MSRA: variants seen among roughly 807,000 people sequenced by gnomAD.
The protein encoded by MSRA is methionine sulfoxide reductase A, also known as mitochondrial peptide methionine sulfoxide reductase.
Under a neutral mutation model 31.3 loss-of-function variants are expected in MSRA, and 54 were observed. The ratio of observed to expected loss-of-function variants is 1.73; its 90% confidence interval spans 1.39 to 2.17. MSRA has a LOEUF of 2.17. Ranked by LOEUF, MSRA falls within the 30% of genes most tolerant of loss-of-function variation. The pLI is 0.00. For synonymous variants in MSRA, 169 were observed against 116.5 expected (o/e 1.45, Z -2.90); for missense variants, 507 against 300.9 (o/e 1.69, Z -5.07).
intron 1 of MSRA, among the ~76,000 whole-genome samples, chr8:10,200,518 C>G (rs1231432809): frequency 2.0e-5 from 3 of 152,150 alleles, no homozygotes; most frequent in African/African-American, 7.2e-5. Context: ...TGCTGCTCCT[C>G]ATCACGGGTC....
At chr8:10,323,708 C>A (rs1484026910) in intron 5 of MSRA, among the ~76,000 whole-genome samples, 1 of 150,666 alleles carries the variant, frequency 6.6e-6, no homozygotes, top group African/African-American at 2.5e-5. Flanking sequence ...CAGATGTTTT[C>A]TGGGTGTTCT....
At position 10,077,174 on chromosome 8, in the gene MSRA, C is replaced by T. The variant is rs142611257; in HGVS notation, c.142+22516C>T. On this transcript the variant is annotated intron_variant, in intron 1 of 5. Transcript: ENST00000317173. ...ACATCAGGAAGAAATGGATGGTCGG[C>T]CACAGCCATTGCATTTGACAACCAA... Among the ~76,000 whole-genome samples, 156 of 152,262 alleles carry T rather than the reference C, an allele frequency of 1.0e-3. 1 individual carries two copies. The highest frequency in any genetic ancestry group is 3.4e-3 in the African/African-American group (142 of 41,548).
intron 2 of MSRA, among the ~76,000 whole-genome samples, chr8:10,222,183 G>C (rs12679154): frequency 0.19 from 29,229 of 151,850 alleles, 3,148 homozygotes; most frequent in South Asian, 0.37. Context: ...TTGCCTCCTA[G>C]TTCAATACTT....
At chr8:10,151,377 C>G (rs1281472670) in intron 1 of MSRA, among the ~76,000 whole-genome samples, 1 of 152,034 alleles carries the variant, frequency 6.6e-6, no homozygotes, top group Non-Finnish European at 1.5e-5. Flanking sequence ...GGCGTGGTGG[C>G]TCACGCCTGT....
chr8:10,139,278 G>C (rs1482373166), intron 1 of MSRA, among the ~76,000 whole-genome samples: 1 of 152,112 alleles, frequency 6.6e-6, no homozygotes, highest in Non-Finnish European at 1.5e-5. Context: ...GCACTGATTT[G>C]AATATTGGAA....
At chr8:10,133,021 C>T (rs1802010785) in intron 1 of MSRA, among the ~76,000 whole-genome samples, 2 of 152,188 alleles carry the variant, frequency 1.3e-5, no homozygotes, top group Admixed American at 1.3e-4. Context: ...CTGAGTCATA[C>T]AAGAGTGCCT....
chr8:10,400,412 C>T (rs139307038), intron 5 of MSRA, among the ~76,000 whole-genome samples: 9 of 130,432 alleles, frequency 6.9e-5, no homozygotes, highest in South Asian at 2.5e-4. Flanking sequence ...GAAAGATACA[C>T]GGTGGATGAA....
chr8:10,323,409 C>T (rs1182506468), intron 5 of MSRA, among the ~76,000 whole-genome samples: 1 of 152,134 alleles, frequency 6.6e-6, no homozygotes, highest in Non-Finnish European at 1.5e-5. Context: ...AACTGCCCTC[C>T]AGAATACTGA....
chr8:10,073,176 G>A (rs1797827962), intron 1 of MSRA, among the ~76,000 whole-genome samples: 1 of 152,090 alleles, frequency 6.6e-6, no homozygotes, highest in African/African-American at 2.4e-5. Context: ...GAGCAGACAT[G>A]CTTACTTTGT....
intron 3 of MSRA, 51 bp downstream of exon 3, chr8:10,245,274 GTCAC>G: frequency 6.4e-7 from 1 of 1,561,064 alleles, no homozygotes; most frequent in Non-Finnish European, 8.8e-7. Flanking sequence ...GGGAGGGCTT[GTCAC>G]TACTGTTGGG....
intron 3 of MSRA, chr8:10,250,379 G>C (rs1183610351): frequency 2.9e-6 from 2 of 699,834 alleles, no homozygotes; most frequent in Admixed American, 4.0e-5. Flanking sequence ...GAAAACCCAG[G>C]ATGTTCATTC....
At position 10,082,188 on chromosome 8, in the gene MSRA, G is replaced by A. The variant is rs530184288; in HGVS notation, c.142+27530G>A. 2.1e-4 allele frequency among the ~76,000 whole-genome samples: 32 copies of A among 152,288 alleles called. No homozygotes were observed. The East Asian group carries it at 6.0e-3, about 29-fold the overall frequency. ...CCACTATACTCCAGTCTGGGTGGTA[G>A]TGTGAAACCCTGCTGCTAAAAAATG... On this transcript the variant is annotated intron_variant, in intron 1 of 5. Coordinates refer to ENST00000317173, the MANE Select transcript of MSRA (RefSeq NM_012331.5).
intron 4 of MSRA, among the ~76,000 whole-genome samples, chr8:10,309,970 AG>A (rs1159264972): frequency 2.6e-5 from 4 of 152,228 alleles, no homozygotes; most frequent in African/African-American, 9.6e-5. Flanking sequence ...CATTCATTGA[AG>A]GGAGACAAAT....
chr8:10,094,776 A>G (rs1799037501), intron 1 of MSRA, among the ~76,000 whole-genome samples: 1 of 152,234 alleles, frequency 6.6e-6, no homozygotes, highest in Non-Finnish European at 1.5e-5. Context: ...AAAAGCAAAC[A>G]GTACTTATTT....
intron 5 of MSRA, among the ~76,000 whole-genome samples, chr8:10,410,556 G>T (rs1808094165): frequency 6.6e-6 from 1 of 152,200 alleles, no homozygotes; most frequent in Admixed American, 6.5e-5. Context: ...ACAGCACTGA[G>T]AGGTAGATAT....
At chr8:10,151,187 C>A (rs1397055781) in intron 1 of MSRA, among the ~76,000 whole-genome samples, 2 of 149,292 alleles carry the variant, frequency 1.3e-5, no homozygotes, top group African/African-American at 5.0e-5. Flanking sequence ...GGAGCTTCAC[C>A]TTCCTGGGGA....
At chr8:10,203,958 A>G (rs1431394419) in intron 1 of MSRA, among the ~76,000 whole-genome samples, 1 of 151,900 alleles carries the variant, frequency 6.6e-6, no homozygotes, top group Admixed American at 6.5e-5. Flanking sequence ...GAAAATTTAA[A>G]AAGTAAAAAA....
At chr8:10,426,748 G>T (rs569740928) in intron 5 of MSRA, among the ~76,000 whole-genome samples, 1 of 152,220 alleles carries the variant, frequency 6.6e-6, no homozygotes, top group Non-Finnish European at 1.5e-5. Flanking sequence ...CTTCCTTCCC[G>T]TGGCTGTTGT....
At chr8:10,232,526 T>C (rs1335055429) in intron 2 of MSRA, among the ~76,000 whole-genome samples, 1 of 152,200 alleles carries the variant, frequency 6.6e-6, no homozygotes, top group Non-Finnish European at 1.5e-5. Context: ...CTTAGGTATT[T>C]TTAGAGAATC....
Sources: gnomAD v4.1 joint callset for allele counts (sites outside exome capture counted in the v4.1 genomes callset) on GRCh38, gnomAD v4.1.1 for gene constraint, MANE v1.5 for transcripts, NCBI Gene and HGNC (gene_info 2026-07-23, HGNC 2026-07-21) for gene names.